The following PADI3 variants were observed in gnomAD, a reference collection of about 807,000 sequenced individuals.
PADI3 encodes the protein protein-arginine deiminase type-3.
In PADI3, 53 loss-of-function variants were observed where a neutral mutation model predicts 71.5. That is an observed-to-expected ratio of 0.74 (90% CI 0.59 to 0.93). PADI3 has a LOEUF of 0.93. PADI3 is among the 40% of genes least tolerant of loss of function. PADI3 has a pLI of 0.00. For missense variants in PADI3, 821 were observed against 868.0 expected, an observed-to-expected ratio of 0.95 and a Z score of 0.68; for synonymous variants, 361 against 347.5, an observed-to-expected ratio of 1.04 and a Z score of -0.43.
At chr1:17,257,413 AT>A in intron 1 of PADI3, among the ~76,000 whole-genome samples, 1 of 152,214 alleles carries the variant, frequency 6.6e-6, no homozygotes, top group Non-Finnish European at 1.5e-5. Context: ...ATAATTAATA[AT>A]TTTTTTAGTA....
At chr1:17,266,335 T>C (rs920058671) in intron 4 of PADI3, among the ~76,000 whole-genome samples, 15 of 152,164 alleles carry the variant, frequency 9.9e-5, no homozygotes, top group Admixed American at 7.9e-4. Flanking sequence ...TGGAGGGACG[T>C]ACCCTTGAGC....
In PADI3 at chr1:17,280,372, C is replaced by T; in HGVS notation, c.1578C>T (p.Ile526=). ...GVVDDEQVKT[I]SINQVLSNKD... is the part of the protein sequence containing the mutation. ...CAGATGATGAGCAGGTCAAGACCAT[C>T]TCCATCAACCAGGTGCTCTCCAATA... Residue 526 remains isoleucine (I), a synonymous_variant, in exon 14 of 16, where the codon ATC becomes ATT. Transcript: ENST00000375460. The T allele has an allele frequency of 1.2e-6, 2 of 1,613,998 alleles. No individual in the cohort carries two copies. Among genetic ancestry groups the T allele is most frequent in the East Asian group, 2.2e-5 (1 of 44,878 alleles).
At chr1:17,265,373 A>G (rs1039561140) in intron 3 of PADI3, among the ~76,000 whole-genome samples, 2 of 151,614 alleles carry the variant, frequency 1.3e-5, no homozygotes, top group Middle Eastern at 3.4e-3. Context: ...ACCTGGGCTC[A>G]GTTCAGGGCA....
chr1:17,262,169 C>A lies in PADI3; in HGVS notation c.310C>A (p.Pro104Thr), dbSNP rs894868384. 1 of 1,613,290 alleles carries A rather than the reference C, an allele frequency of 6.2e-7. No homozygotes were observed. The highest frequency in any genetic ancestry group is 1.3e-5 in the African/African-American group (1 of 74,840). Residue 104 changes from proline to threonine, a missense_variant, in exon 3 of 16, where the codon CCC (proline) becomes ACC (threonine). Coordinates refer to ENST00000375460, the MANE Select transcript of PADI3 (RefSeq NM_016233.2). ...CTACCACTCCAGCCATGAGCCTCTG[C>A]CCCTGGCCTATGCGGTGCTCTACCT... Reference protein sequence around the residue: ...ISYHSSHEPLPLAYAVLYLTC... With the variant: ...ISYHSSHEPLTLAYAVLYLTC...
Position 17,274,635 on chromosome 1 carries a change from G to T in PADI3, c.1156G>T (p.Gly386Cys), listed in dbSNP as rs2073300181. The change falls in exon 11 of 16, where the codon GGT becomes TGT. Residue 386 changes from glycine (G) to cysteine (C), a missense_variant and splice_region_variant. Gly to Cys is a radical substitution (Grantham distance 159). Transcript: ENST00000375460. ...CGCCTGACTTGGTTTCCCTCTCCAG[G>T]GTCCAGATTTTGGTTACGTGACTCG... is the stretch of plus-strand genomic sequence containing the variant. ...LQDFPYKRIL[G>C]PDFGYVTREP... 1.2e-6 allele frequency: 2 copies of T among 1,609,762 alleles called. No homozygotes were observed.
rs1303053957 is a variant in PADI3, at chr1:17,273,328, C to T, written c.1048-12C>T. 1.2e-6 allele frequency: 2 copies of T among 1,606,808 alleles called. No individual in the cohort carries two copies. Among genetic ancestry groups the T allele is most frequent in the African/African-American group, 1.3e-5 (1 of 74,758 alleles). ...TCACAGCTGTGCGTCTCTCGCCTCT[C>T]CTCACTTGCAGGATGAGATGGAGCT... On this transcript the variant is annotated splice_polypyrimidine_tract_variant and intron_variant, in intron 9 of 15. Coordinates refer to ENST00000375460, the MANE Select transcript of PADI3 (RefSeq NM_016233.2).
At position 17,276,549 on chromosome 1, in the gene PADI3, G is replaced by A. The variant is rs1422510078; in HGVS notation, c.1338G>A (p.Val446=). The A allele has an allele frequency of 6.2e-7, 1 of 1,614,152 alleles. No homozygotes were observed. ...GTGGCCGCAGGGTCACCCAGGTGGT[G>A]CGGGACTTCCTCCATGCCCAGAAGG... ...GSSGRRVTQV[V]RDFLHAQKVQ... Residue 446 remains valine, a synonymous_variant, in exon 12 of 16, where the codon GTG becomes GTA. Transcript: ENST00000375460.
chr1:17,267,302 C>T (rs2073182990), intron 5 of PADI3, among the ~76,000 whole-genome samples: 2 of 152,352 alleles, frequency 1.3e-5, no homozygotes, highest in South Asian at 2.1e-4. Context: ...CCTTCAGCAC[C>T]TCTGGCCTAC....
chr1:17,270,364 A>C lies in PADI3; in HGVS notation c.784A>C (p.Thr262Pro), dbSNP rs2073230432. 2 of 1,613,846 alleles carry C rather than the reference A, an allele frequency of 1.2e-6. No homozygotes were observed. The highest frequency in any genetic ancestry group is 1.1e-5 in the South Asian group (1 of 91,078). The change falls in exon 7 of 16, where the codon ACA becomes CCA. Residue 262 changes from threonine to proline, a missense_variant. Physicochemically the swap from Thr to Pro is conservative, Grantham distance 38. Transcript: ENST00000375460. ...CCTGTCCTTCCCTGATGCCGGCTTC[A>C]CAGGACTCATCTCCTTCCATGTCAC... Reference protein sequence around the residue: ...EGLSFPDAGFTGLISFHVTLL... With the variant: ...EGLSFPDAGFPGLISFHVTLL...
At chr1:17,262,561 A>G (rs1297880671) in intron 3 of PADI3, among the ~76,000 whole-genome samples, 1 of 152,214 alleles carries the variant, frequency 6.6e-6, no homozygotes, top group Non-Finnish European at 1.5e-5. Context: ...ATAGTGATTA[A>G]TATGTTAAGG....
At chr1:17,273,817 T>C (rs2073288558) in intron 10 of PADI3, among the ~76,000 whole-genome samples, 1 of 152,164 alleles carries the variant, frequency 6.6e-6, no homozygotes, top group African/African-American at 2.4e-5. Flanking sequence ...AGACCAACCC[T>C]GTTCCGTTAC....
intron 13 of PADI3, among the ~76,000 whole-genome samples, chr1:17,280,126 A>T (rs2073383139): frequency 6.6e-6 from 1 of 152,178 alleles, no homozygotes; most frequent in South Asian, 2.1e-4. Context: ...AGTTCATTCC[A>T]CTGTGGCAAC....
At chr1:17,255,923 C>T (rs2073021392) in intron 1 of PADI3, among the ~76,000 whole-genome samples, 1 of 152,190 alleles carries the variant, frequency 6.6e-6, no homozygotes. Context: ...CCCCAGGGAC[C>T]ACAGGCTCAA....
At chr1:17,249,557 T>C (rs1039590627) in intron 1 of PADI3, among the ~76,000 whole-genome samples, 1 of 152,188 alleles carries the variant, frequency 6.6e-6, no homozygotes, top group Non-Finnish European at 1.5e-5. Context: ...TGAGGATCTG[T>C]CTGGGGCACA....
chr1:17,256,175 C>T (rs767632654), intron 1 of PADI3, among the ~76,000 whole-genome samples: 8 of 152,188 alleles, frequency 5.3e-5, no homozygotes, highest in Non-Finnish European at 1.2e-4. Context: ...TTTCCTGCAC[C>T]CTCATTTACT....
Position 17,262,160 on chromosome 1 carries a change from G to C in PADI3, c.301G>C (p.Glu101Gln). The change falls in exon 3 of 16, where the codon GAG becomes CAG. Residue 101 changes from glutamate (E) to glutamine (Q), a missense_variant. By Grantham distance (29) the Glu-to-Gln change is conservative. Coordinates refer to ENST00000375460, the MANE Select transcript of PADI3 (RefSeq NM_016233.2). ...TCAGATTTCCTACCACTCCAGCCATGAGCCTCTGCCCCTGGCCTATGCGGT... is the reference window on the plus strand; with the variant it reads ...TCAGATTTCCTACCACTCCAGCCATCAGCCTCTGCCCCTGGCCTATGCGGT... ...HVQISYHSSH[E>Q]PLPLAYAVLY... 6.2e-7 allele frequency: 1 copy of C among 1,613,540 alleles called. No individual in the cohort carries two copies. Among genetic ancestry groups the C allele is most frequent in the East Asian group, 2.2e-5 (1 of 44,808 alleles).
Position 17,251,040 on chromosome 1 carries a change from C to A in PADI3, c.92+1811C>A, listed in dbSNP as rs1409096896. ...TTCTTGGGCCCTGGTGGCCAAACCC[C>A]CCAGGGGTGGGAGTGGAGAGCTCCT... On this transcript the variant is annotated intron_variant, in intron 1 of 15. Transcript: ENST00000375460. 2.0e-5 allele frequency among the ~76,000 whole-genome samples: 3 copies of A among 152,340 alleles called. No individual in the cohort carries two copies. The East Asian group carries it at 5.8e-4, about 29-fold the overall frequency.
chr1:17,262,183 G>A lies in PADI3; in HGVS notation c.324G>A (p.Ala108=), dbSNP rs147168064. 4.3e-5 allele frequency: 69 copies of A among 1,611,916 alleles called. 1 individual carries two copies. Among genetic ancestry groups the A allele is most frequent in the African/African-American group, 1.6e-4 (12 of 74,734 alleles). Reference sequence around the variant, plus strand: ...ATGAGCCTCTGCCCCTGGCCTATGCGGTGCTCTACCTCACCTGTGTTGGTA... The same window carrying A: ...ATGAGCCTCTGCCCCTGGCCTATGCAGTGCTCTACCTCACCTGTGTTGGTA... ...SSHEPLPLAY[A]VLYLTCVDIS... Residue 108 remains alanine (A), a synonymous_variant, in exon 3 of 16, where the codon GCG becomes GCA. Coordinates refer to ENST00000375460, the MANE Select transcript of PADI3 (RefSeq NM_016233.2).
intron 8 of PADI3, 37 bp downstream of exon 8, chr1:17,271,019 C>T: frequency 6.2e-7 from 1 of 1,612,906 alleles, no homozygotes; most frequent in Middle Eastern, 1.7e-4. Flanking sequence ...CTCTGGCCCC[C>T]AGGCCCCGGC....
Sources: gnomAD v4.1 joint callset for allele counts (sites outside exome capture counted in the v4.1 genomes callset) on GRCh38, gnomAD v4.1.1 for gene constraint, MANE v1.5 for transcripts, NCBI Gene and HGNC (gene_info 2026-07-23, HGNC 2026-07-21) for gene names.